The following CSMD1 variants were observed in gnomAD, a reference collection of about 807,000 sequenced individuals.
CSMD1 encodes the protein CUB and Sushi multiple domains 1, also known as CUB and sushi domain-containing protein 1.
Under a neutral mutation model 417.5 loss-of-function variants are expected in CSMD1, and 213 were observed. The ratio of observed to expected loss-of-function variants is 0.51; its 90% CI spans 0.46 to 0.57. The LOEUF (loss-of-function observed/expected upper bound fraction) is 0.57, where lower values mean the gene tolerates loss of function less well. Among genes scored for constraint, CSMD1 ranks in the 20% least tolerant of loss-of-function variants. The pLI, the probability that CSMD1 is intolerant of heterozygous loss-of-function variation, is 0.00. For missense variants in CSMD1, 6,923 were observed against 4,529.7 expected (o/e 1.53, Z -15.17); for synonymous variants, 2,862 against 1,736.8 (o/e 1.65, Z -16.11).
intron 10 of CSMD1, among the ~76,000 whole-genome samples, chr8:3,497,721 CT>C (rs1796425921): frequency 6.6e-6 from 1 of 152,190 alleles, no homozygotes; most frequent in South Asian, 2.1e-4. Context: ...GCAGTATGCA[CT>C]TAGATATTGC....
chr8:3,646,029 G>A (rs979373485), intron 7 of CSMD1, among the ~76,000 whole-genome samples: 8 of 149,158 alleles, frequency 5.4e-5, no homozygotes, highest in Admixed American at 2.7e-4. Context: ...ACAAAAACTA[G>A]AAATATTCTA....
chr8:4,623,287 A>T (rs1198644645), intron 2 of CSMD1, among the ~76,000 whole-genome samples: 3 of 152,182 alleles, frequency 2.0e-5, no homozygotes, highest in Non-Finnish European at 4.4e-5. Flanking sequence ...TCACCGTAAA[A>T]TAACACTCTA....
intron 10 of CSMD1, among the ~76,000 whole-genome samples, chr8:3,540,343 G>A (rs140320559): frequency 6.9e-4 from 105 of 152,250 alleles, no homozygotes; most frequent in African/African-American, 2.3e-3. Context: ...CATCACAACA[G>A]TGCCCTATAC....
At chr8:2,938,910 TA>T (rs771100106) in intron 69 of CSMD1, among the ~76,000 whole-genome samples, 166 bp from the exon 70 acceptor site, 4 of 152,184 alleles carry the variant, frequency 2.6e-5, no homozygotes, top group Non-Finnish European at 4.4e-5. Flanking sequence ...TTTATTTGCT[TA>T]AATTGGTGAT....
intron 1 of CSMD1, among the ~76,000 whole-genome samples, chr8:4,954,608 G>C (rs190030227): frequency 2.6e-5 from 4 of 152,128 alleles, no homozygotes; most frequent in Non-Finnish European, 5.9e-5. Context: ...CTAAAAGAAG[G>C]ATATACTATA....
At chr8:3,971,726 T>A (rs972446063) in intron 5 of CSMD1, among the ~76,000 whole-genome samples, 1 of 152,172 alleles carries the variant, frequency 6.6e-6, no homozygotes, top group African/African-American at 2.4e-5. Context: ...GAGTTTCTCG[T>A]AGACCACCAA....
intron 5 of CSMD1, among the ~76,000 whole-genome samples, chr8:3,803,985 T>C (rs901017343): frequency 6.6e-6 from 1 of 152,122 alleles, no homozygotes; most frequent in Non-Finnish European, 1.5e-5. Flanking sequence ...TGGAGTGCAA[T>C]GGCGTGATCT....
intron 5 of CSMD1, among the ~76,000 whole-genome samples, chr8:3,982,119 C>A (rs954944220): frequency 1.3e-5 from 2 of 150,840 alleles, no homozygotes; most frequent in Non-Finnish European, 2.9e-5. Flanking sequence ...GATTGCACAA[C>A]TGCACTCCAG....
chr8:3,789,385 G>A (rs1253852599), intron 5 of CSMD1, among the ~76,000 whole-genome samples: 1 of 61,228 alleles, frequency 1.6e-5, no homozygotes. Context: ...TTTTTTTTAA[G>A]TAGTGTTTTT....
At position 3,574,355 on chromosome 8, in the gene CSMD1, C is replaced by T. The variant is rs571869752; in HGVS notation, c.1344+590G>A. 4.1e-4 allele frequency among the ~76,000 whole-genome samples: 62 copies of T among 152,280 alleles called. 1 individual carries two copies. The highest frequency in any genetic ancestry group is 1.5e-4 in the Non-Finnish European group (10 of 68,032). On this transcript the variant is annotated intron_variant, in intron 10 of 69. Transcript: ENST00000635120. ...TCCTGGGTTCAAGCGATTCCTGGGC[C>T]TCAGCCTCTCGAATAGCTGGGATGA...
chr8:3,461,976 T>A (rs12171687), intron 12 of CSMD1, among the ~76,000 whole-genome samples: 22,286 of 151,788 alleles, frequency 0.15, 1,688 homozygotes, highest in East Asian at 0.21. Flanking sequence ...GGCGGTGAGG[T>A]GAGTGTGTGT....
chr8:4,462,694 C>T (rs187626014), intron 2 of CSMD1, among the ~76,000 whole-genome samples: 3 of 152,220 alleles, frequency 2.0e-5, no homozygotes, highest in Admixed American at 1.3e-4. Context: ...TGACATTACC[C>T]GTCAATTTGA....
intron 5 of CSMD1, among the ~76,000 whole-genome samples, chr8:3,864,220 C>G (rs974139216): frequency 6.6e-6 from 1 of 152,184 alleles, no homozygotes; most frequent in African/African-American, 2.4e-5. Flanking sequence ...ATACTCCTTG[C>G]TCATACAAAC....
intron 1 of CSMD1, among the ~76,000 whole-genome samples, chr8:4,987,591 G>T (rs1246835835): frequency 1.3e-5 from 2 of 152,092 alleles, no homozygotes; most frequent in African/African-American, 4.8e-5. Context: ...AAAAGCACTG[G>T]AATCTGACTG....
At chr8:3,979,474 T>C (rs76410594) in intron 5 of CSMD1, among the ~76,000 whole-genome samples, 9,217 of 152,226 alleles carry the variant, frequency 0.061, 519 homozygotes, top group African/African-American at 0.14. Context: ...AGTGTGTCTT[T>C]GGCTTAGAAT....
rs184985680 is a variant in CSMD1, at chr8:3,679,502, T to G, written c.1009+28912A>C. Among the ~76,000 whole-genome samples the G allele has an allele frequency of 2.6e-4, 40 of 152,084 alleles. 1 individual carries two copies. In the East Asian group the frequency reaches 5.0e-3, roughly 19 times the overall value. The stretch of plus-strand genomic sequence containing the variant: ...AGAGCTAACTATCCTAAATATATAT[T>G]CACCCAATACAGGAGCACCCAGATT... On this transcript the variant is annotated intron_variant, in intron 7 of 69. Coordinates refer to ENST00000635120, the MANE Select transcript of CSMD1 (RefSeq NM_033225.6).
intron 3 of CSMD1, among the ~76,000 whole-genome samples, chr8:4,374,830 A>C (rs954725162): frequency 8.5e-5 from 13 of 152,048 alleles, no homozygotes; most frequent in South Asian, 2.1e-4. Flanking sequence ...TGCTGAGCAA[A>C]GTCTAGAGTG....
chr8:3,889,518 T>C (rs1231354154), intron 5 of CSMD1, among the ~76,000 whole-genome samples: 1 of 123,578 alleles, frequency 8.1e-6, no homozygotes, highest in Non-Finnish European at 1.7e-5. Context: ...GGTCATGATA[T>C]ATACATATAT....
chr8:3,934,805 C>T (rs1355248174), intron 5 of CSMD1, among the ~76,000 whole-genome samples: 1 of 152,058 alleles, frequency 6.6e-6, no homozygotes, highest in Non-Finnish European at 1.5e-5. Context: ...CAAAATCACG[C>T]CACTGCACTC....
Sources: allele counts gnomAD v4.1 joint callset (sites outside exome capture counted in the v4.1 genomes callset), GRCh38; gene constraint gnomAD v4.1.1; transcripts MANE v1.5; gene names NCBI Gene and HGNC (gene_info 2026-07-23, HGNC 2026-07-21).